Variants in REEP1 observed in about 807,000 individuals in gnomAD.
The protein encoded by REEP1 is receptor expression-enhancing protein 1.
REEP1 carries 22 observed loss-of-function variants against 40.3 expected under a neutral mutation model. The ratio of observed to expected loss-of-function variants is 0.55; its 90% CI spans 0.39 to 0.78. The LOEUF is 0.78. REEP1 is among the 30% of genes least tolerant of loss of function. REEP1 has a pLI of 0.00. For synonymous variants in REEP1, 116 were observed against 139.2 expected, an observed-to-expected ratio of 0.83 and a Z score of 1.17; for missense variants, 280 against 361.1, an observed-to-expected ratio of 0.78 and a Z score of 1.82.
intron 2 of REEP1, chr2:86,279,984 T>C (rs1307471286): frequency 2.8e-5 from 13 of 456,154 alleles, no homozygotes; most frequent in Non-Finnish European, 4.4e-5. Flanking sequence ...AGTGAGAATC[T>C]CATTTCTGAG....
intron 5 of REEP1, among the ~76,000 whole-genome samples, chr2:86,233,307 T>C (rs1675128153): frequency 6.6e-6 from 1 of 152,252 alleles, no homozygotes; most frequent in Non-Finnish European, 1.5e-5. Flanking sequence ...TTTTTCTAAA[T>C]GTTTGACAAC....
chr2:86,250,330 G>A (rs2104211346), intron 5 of REEP1, among the ~76,000 whole-genome samples: 1 of 152,296 alleles, frequency 6.6e-6, no homozygotes, highest in South Asian at 2.1e-4. Context: ...AGGCTTCAGA[G>A]GCAGAACAGA....
At chr2:86,232,879 T>G in intron 5 of REEP1, 77 bp from the exon 6 acceptor site, 2 of 1,418,224 alleles carry the variant, frequency 1.4e-6, no homozygotes, top group Non-Finnish European at 1.9e-6. Context: ...AAGAGGGAGC[T>G]CTGATGGTCA....
rs377307192 is a variant in REEP1 at position 86,295,054 on chromosome 2, A to G, written c.33-12812T>C. The stretch of plus-strand genomic sequence containing the variant: ...AACCTATTTTAAAAAAAAAGAAAAG[A>G]AAAGAAAAAAAGCAAGCTGGAAAAC... On this transcript the variant is annotated intron_variant, in intron 1 of 8. Transcript: ENST00000538924. Among the ~76,000 whole-genome samples, 6 of 152,374 alleles carry G rather than the reference A, an allele frequency of 3.9e-5. No homozygotes were observed. The East Asian group carries it at 9.6e-4, about 24-fold the overall frequency.
At chr2:86,240,491 C>T (rs531059562) in intron 5 of REEP1, among the ~76,000 whole-genome samples, 15 of 152,162 alleles carry the variant, frequency 9.9e-5, no homozygotes, top group South Asian at 4.2e-4. Flanking sequence ...CTGAAGCGGG[C>T]GGGGGAAGGC....
intron 1 of REEP1, among the ~76,000 whole-genome samples, chr2:86,312,138 C>T (rs902411808): frequency 5.9e-5 from 9 of 152,192 alleles, no homozygotes; most frequent in African/African-American, 2.2e-4. Flanking sequence ...CTCACCAGCT[C>T]ACCCCTGCCT....
chr2:86,268,641 T>C (rs192052760), intron 2 of REEP1, among the ~76,000 whole-genome samples: 32 of 152,230 alleles, frequency 2.1e-4, no homozygotes, highest in Admixed American at 1.8e-3. Flanking sequence ...ATAAAGTTTA[T>C]ATGGAAAGGT....
At chr2:86,292,690 G>A (rs776506633) in intron 1 of REEP1, among the ~76,000 whole-genome samples, 1 of 152,172 alleles carries the variant, frequency 6.6e-6, no homozygotes, top group Non-Finnish European at 1.5e-5. Flanking sequence ...TATTTAGGCT[G>A]AGAAAAGGAC....
chr2:86,301,125 T>C (rs1415728501), intron 1 of REEP1, among the ~76,000 whole-genome samples: 1 of 152,218 alleles, frequency 6.6e-6, no homozygotes, highest in East Asian at 1.9e-4. Flanking sequence ...ACAGTGAAGA[T>C]GTGAGACCAG....
intron 7 of REEP1, among the ~76,000 whole-genome samples, chr2:86,226,030 G>A (rs117993656): frequency 0.028 from 4,176 of 150,652 alleles, 97 homozygotes; most frequent in East Asian, 0.076. Context: ...GTCCAGAACC[G>A]GGAGACCTCC....
intron 5 of REEP1, among the ~76,000 whole-genome samples, chr2:86,249,546 G>C (rs1676156030): frequency 6.6e-6 from 1 of 152,040 alleles, no homozygotes. Context: ...AAATCATCTG[G>C]GGAACTTGTT....
chr2:86,265,906 C>T (rs557923016), intron 2 of REEP1, among the ~76,000 whole-genome samples: 10 of 152,248 alleles, frequency 6.6e-5, no homozygotes, highest in Admixed American at 2.0e-4. Flanking sequence ...ATCCACGTAA[C>T]AAACCTGCAC....
At chr2:86,286,308 G>C (rs559904419) in intron 1 of REEP1, among the ~76,000 whole-genome samples, 1 of 152,300 alleles carries the variant, frequency 6.6e-6, no homozygotes, top group South Asian at 2.1e-4. Flanking sequence ...GAGACACTCT[G>C]GTTGTCTGAG....
At chr2:86,326,851 C>A (rs190543727) in intron 1 of REEP1, among the ~76,000 whole-genome samples, 35 of 152,348 alleles carry the variant, frequency 2.3e-4, no homozygotes, top group South Asian at 6.2e-4. Flanking sequence ...TTCCAGCAAG[C>A]CAAAGATTTA....
chr2:86,263,662 CT>C (rs1676980562), intron 3 of REEP1, among the ~76,000 whole-genome samples: 2 of 152,130 alleles, frequency 1.3e-5, no homozygotes, highest in Admixed American at 6.5e-5. Context: ...TGTTCCTTTA[CT>C]TTTTTAACGT....
At chr2:86,325,968 A>G (rs777508039) in intron 1 of REEP1, among the ~76,000 whole-genome samples, 2 of 152,200 alleles carry the variant, frequency 1.3e-5, no homozygotes, top group Non-Finnish European at 2.9e-5. Flanking sequence ...TGGATGCTAC[A>G]GTGTCCCCCC....
intron 2 of REEP1, among the ~76,000 whole-genome samples, chr2:86,272,835 T>G: frequency 6.6e-6 from 1 of 152,124 alleles, no homozygotes; most frequent in Non-Finnish European, 1.5e-5. Flanking sequence ...AAAATGATTT[T>G]CTTAAGGCCA....
At chr2:86,291,131 T>C (rs1678671215) in intron 1 of REEP1, among the ~76,000 whole-genome samples, 1 of 152,136 alleles carries the variant, frequency 6.6e-6, no homozygotes, top group Non-Finnish European at 1.5e-5. Flanking sequence ...CAAACACATG[T>C]CTAACTCCAC....
At position 86,330,929 on chromosome 2, in the gene REEP1, T is replaced by C. The variant is rs944491180; in HGVS notation, c.32+6550A>G. ...TGTTCCTGCAGCATACCCCAGTCCA[T>C]CCGAACAACAAATATTTAATGGATT... On this transcript the variant is annotated intron_variant, in intron 1 of 8. Coordinates refer to ENST00000538924, the MANE Select transcript of REEP1 (RefSeq NM_001371279.1). Among the ~76,000 whole-genome samples, 3 of 152,150 alleles carry C rather than the reference T, an allele frequency of 2.0e-5. No homozygotes were observed. In the East Asian group the frequency reaches 5.8e-4, roughly 29 times the overall value.
Sources: allele counts gnomAD v4.1 joint callset (sites outside exome capture counted in the v4.1 genomes callset), GRCh38; gene constraint gnomAD v4.1.1; transcripts MANE v1.5; gene names NCBI Gene and HGNC (gene_info 2026-07-23, HGNC 2026-07-21).